The following ROBO1 variants were observed in gnomAD, a reference collection of about 807,000 sequenced individuals.
ROBO1 encodes roundabout homolog 1.
Under a neutral mutation model 195.9 loss-of-function variants are expected in ROBO1, and 149 were observed. That is an observed-to-expected ratio of 0.76 (90% CI 0.67 to 0.87). The LOEUF is 0.87. Ranked by LOEUF, ROBO1 falls within the 40% of genes least tolerant of loss-of-function variation. ROBO1 has a pLI of 0.00. For synonymous variants in ROBO1, 816 were observed against 733.2 expected, an observed-to-expected ratio of 1.11 and a Z score of -1.82; for missense variants, 1,933 against 2,068.3, an observed-to-expected ratio of 0.93 and a Z score of 1.27.
At chr3:78,927,032 T>C (rs546613578) in intron 4 of ROBO1, among the ~76,000 whole-genome samples, 2 of 152,186 alleles carry the variant, frequency 1.3e-5, no homozygotes, top group East Asian at 3.9e-4. Flanking sequence ...AGAGGTAAAT[T>C]ATATCCATTA....
intron 2 of ROBO1, among the ~76,000 whole-genome samples, chr3:79,472,953 G>A (rs1938360742): frequency 2.0e-5 from 3 of 152,248 alleles, no homozygotes; most frequent in South Asian, 2.1e-4. Flanking sequence ...CTAGGTGAGG[G>A]GAAGGTGCTA....
intron 3 of ROBO1, among the ~76,000 whole-genome samples, chr3:78,979,736 C>T (rs2076952473): frequency 6.6e-6 from 1 of 151,876 alleles, no homozygotes; most frequent in Admixed American, 6.6e-5. Flanking sequence ...TCTATGAAAG[C>T]CCCCTGGCAT....
At chr3:79,523,917 T>C (rs1941320421) in intron 2 of ROBO1, among the ~76,000 whole-genome samples, 1 of 152,184 alleles carries the variant, frequency 6.6e-6, no homozygotes, top group Non-Finnish European at 1.5e-5. Context: ...AGAATTATGA[T>C]TTTCATAAGC....
At chr3:78,885,412 TAAAAAAAAAA>T (rs59912706) in intron 4 of ROBO1, among the ~76,000 whole-genome samples, 2 of 53,702 alleles carry the variant, frequency 3.7e-5, no homozygotes, top group African/African-American at 7.4e-5. Flanking sequence ...AATTTAAAAC[TAAAAAAAAAA>T]AAAAAAAAAA....
At chr3:79,558,330 T>C (rs1185503775) in intron 2 of ROBO1, among the ~76,000 whole-genome samples, 1 of 152,214 alleles carries the variant, frequency 6.6e-6, no homozygotes, top group Admixed American at 6.5e-5. Flanking sequence ...ATAATCCACT[T>C]ACACTTAATG....
chr3:79,160,575 T>C (rs1327585364), intron 2 of ROBO1, among the ~76,000 whole-genome samples: 1 of 152,038 alleles, frequency 6.6e-6, no homozygotes, highest in Admixed American at 6.6e-5. Flanking sequence ...TAATTGTAGA[T>C]GTAGTGAGAT....
At chr3:79,571,497 C>G (rs1943278102) in intron 2 of ROBO1, among the ~76,000 whole-genome samples, 1 of 151,818 alleles carries the variant, frequency 6.6e-6, no homozygotes, top group Non-Finnish European at 1.5e-5. Flanking sequence ...TTAAATATAC[C>G]ATTTAGTGTG....
chr3:79,145,391 A>G, intron 2 of ROBO1, among the ~76,000 whole-genome samples: 1 of 151,320 alleles, frequency 6.6e-6, no homozygotes, highest in South Asian at 2.1e-4. Context: ...ACACACACAC[A>G]CACACACACA....
intron 18 of ROBO1, among the ~76,000 whole-genome samples, chr3:78,655,125 T>TA (rs1007978086): frequency 2.2e-4 from 33 of 151,596 alleles, no homozygotes; most frequent in Admixed American, 1.1e-3. Context: ...TGGTTTTTTT[T>TA]AAAAAAAATA....
At chr3:79,525,851 C>T (rs1389109382) in intron 2 of ROBO1, among the ~76,000 whole-genome samples, 1 of 151,906 alleles carries the variant, frequency 6.6e-6, no homozygotes, top group Non-Finnish European at 1.5e-5. Flanking sequence ...TCCTCGTGTT[C>T]CGCCTGCCTC....
intron 4 of ROBO1, among the ~76,000 whole-genome samples, chr3:78,797,632 G>T (rs1228148399): frequency 6.6e-6 from 1 of 152,078 alleles, no homozygotes; most frequent in East Asian, 1.9e-4. Flanking sequence ...ATAAGCAGAG[G>T]GTTTTTTTCT....
In ROBO1 at chr3:78,793,169, G is replaced by C. The variant is rs554064545; in HGVS notation, c.500-46269C>G. ...AAAAAGAAAGAAAGAAAGAGAAAGG[G>C]AAAGGAAAGGAACAGAGTCTTAAAT... On this transcript the variant is annotated intron_variant, in intron 4 of 30. Coordinates refer to ENST00000464233, the MANE Select transcript of ROBO1 (RefSeq NM_002941.4). Among the ~76,000 whole-genome samples, 18 of 151,262 alleles carry C rather than the reference G, an allele frequency of 1.2e-4. No individual in the cohort carries two copies. In the East Asian group the frequency reaches 3.1e-3, roughly 26 times the overall value.
intron 2 of ROBO1, among the ~76,000 whole-genome samples, chr3:79,427,450 A>G (rs1458411847): frequency 6.6e-6 from 1 of 152,180 alleles, no homozygotes; most frequent in African/African-American, 2.4e-5. Flanking sequence ...AGGGGACGCA[A>G]TTCTAATGCC....
At chr3:79,324,175 A>G (rs1168905422) in intron 2 of ROBO1, among the ~76,000 whole-genome samples, 1 of 152,164 alleles carries the variant, frequency 6.6e-6, no homozygotes, top group East Asian at 1.9e-4. Context: ...GTGAAGAACA[A>G]TTTTGATGTG....
chr3:79,333,559 G>A (rs2034539793), intron 2 of ROBO1, among the ~76,000 whole-genome samples: 2 of 151,984 alleles, frequency 1.3e-5, no homozygotes, highest in Non-Finnish European at 2.9e-5. Flanking sequence ...GATTCCTCAA[G>A]ATCTGAATCC....
At chr3:79,000,374 T>C (rs1315451555) in intron 3 of ROBO1, among the ~76,000 whole-genome samples, 2 of 152,178 alleles carry the variant, frequency 1.3e-5, no homozygotes, top group Non-Finnish European at 2.9e-5. Context: ...GGAGCTAGCA[T>C]GTTTACTCTG....
chr3:78,697,094 G>A (rs2081317104), intron 8 of ROBO1, among the ~76,000 whole-genome samples: 1 of 151,044 alleles, frequency 6.6e-6, no homozygotes, highest in South Asian at 2.1e-4. Context: ...ATTTAGAATA[G>A]AAGACTTTCT....
intron 21 of ROBO1, among the ~76,000 whole-genome samples, chr3:78,643,646 T>C (rs1706103258): frequency 6.6e-6 from 1 of 152,140 alleles, no homozygotes; most frequent in Admixed American, 6.6e-5. Flanking sequence ...ACTTTGCATA[T>C]TATGCCGAGT....
intron 4 of ROBO1, among the ~76,000 whole-genome samples, chr3:78,871,205 G>A (rs960238590): frequency 4.6e-5 from 7 of 152,136 alleles, no homozygotes; most frequent in Admixed American, 6.5e-5. Context: ...TTTGGAGAGG[G>A]ATGGAGAGCG....
Sources: allele counts gnomAD v4.1 joint callset (sites outside exome capture counted in the v4.1 genomes callset), GRCh38; gene constraint gnomAD v4.1.1; transcripts MANE v1.5; gene names NCBI Gene and HGNC (gene_info 2026-07-23, HGNC 2026-07-21).